DZANK1: variants seen among roughly 807,000 people sequenced by gnomAD.
DZANK1 encodes double zinc ribbon and ankyrin repeat-containing protein 1.
Under a neutral mutation model 94.5 loss-of-function variants are expected in DZANK1, and 91 were observed. The observed-to-expected ratio is 0.96, with a 90% CI of 0.81 to 1.15. The LOEUF is 1.15. Ranked by LOEUF, DZANK1 falls within the 50% of genes most tolerant of loss-of-function variation. The pLI is 0.00. For missense variants in DZANK1, 903 were observed against 916.4 expected, an observed-to-expected ratio of 0.99 and a Z score of 0.19; for synonymous variants, 312 against 325.3, an observed-to-expected ratio of 0.96 and a Z score of 0.44.
At chr20:18,459,290 T>C (rs555511932) in intron 3 of DZANK1, among the ~76,000 whole-genome samples, 3 of 152,196 alleles carry the variant, frequency 2.0e-5, no homozygotes, top group Non-Finnish European at 4.4e-5. Flanking sequence ...AATAATAATG[T>C]GCATAAAGGG....
chr20:18,443,370 G>A, exon 8 of DZANK1: 1 of 1,550,636 alleles, frequency 6.4e-7, no homozygotes, highest in South Asian at 1.2e-5. Flanking sequence ...GGGGGTGGGA[G>A]ACGACAGCCA....
chr20:18,443,619 T>C lies in DZANK1; in HGVS notation c.630-155A>G, dbSNP rs189633711. Among the ~76,000 whole-genome samples the C allele has an allele frequency of 9.9e-4, 151 of 152,328 alleles. 1 individual carries two copies. The highest frequency in any genetic ancestry group is 1.9e-3 in the South Asian group (9 of 4,828). ...ACAAGTTCAAGACAGGAAATACTTA[T>C]CTAGGTCATTTGGTCATTTTATTGG... On this transcript the variant is annotated intron_variant, in intron 7 of 20. Transcript: ENST00000262547.
intron 7 of DZANK1, among the ~76,000 whole-genome samples, chr20:18,444,839 C>G (rs529818396): frequency 1.3e-5 from 2 of 152,088 alleles, no homozygotes; most frequent in African/African-American, 4.8e-5. Flanking sequence ...CTTGCTCTGT[C>G]GCCCAGATTG....
intron 7 of DZANK1, among the ~76,000 whole-genome samples, chr20:18,445,039 C>G (rs762893200): frequency 8.6e-5 from 13 of 151,918 alleles, no homozygotes; most frequent in Non-Finnish European, 1.9e-4. Context: ...GATCTCCTGA[C>G]CTCGTGATCC....
intron 6 of DZANK1, 136 bp downstream of exon 6, chr20:18,452,479 G>T: frequency 9.6e-7 from 1 of 1,040,968 alleles, no homozygotes; most frequent in Non-Finnish European, 1.4e-6. Flanking sequence ...TTCTTGTCCA[G>T]TACAGTATTC....
intron 12 of DZANK1, 55 bp from the exon 13 acceptor site, chr20:18,412,908 G>T: frequency 6.8e-7 from 1 of 1,464,732 alleles, no homozygotes; most frequent in Non-Finnish European, 9.3e-7. Flanking sequence ...AATCAATCTT[G>T]CATTTTACTT....
At chr20:18,394,644 C>G in intron 15 of DZANK1, 1 of 591,972 alleles carries the variant, frequency 1.7e-6, no homozygotes, top group Non-Finnish European at 3.2e-6. Context: ...AGGGGTCTGC[C>G]AGCCTCCCTG....
At chr20:18,386,936 T>C (rs1281718514) in intron 19 of DZANK1, among the ~76,000 whole-genome samples, 2 of 152,216 alleles carry the variant, frequency 1.3e-5, no homozygotes, top group Non-Finnish European at 2.9e-5. Flanking sequence ...CTATGCTGTG[T>C]GCCAGTGTAT....
intron 14 of DZANK1, among the ~76,000 whole-genome samples, chr20:18,397,939 T>C (rs1270427693): frequency 3.3e-5 from 5 of 152,154 alleles, no homozygotes; most frequent in African/African-American, 1.2e-4. Context: ...GGAAGTCTCA[T>C]GGCATCACTT....
Position 18,384,873 on chromosome 20 carries a change from T to C in DZANK1, c.2093+143A>G. The C allele has an allele frequency of 2.5e-6, 2 of 790,678 alleles. 1 individual carries two copies. The highest frequency in any genetic ancestry group is 3.8e-5 in the South Asian group (2 of 53,296). 49.0% of individuals were successfully genotyped at this position (790,678 alleles called of 1,614,324 possible). A position where few individuals can be genotyped will look rare whatever the true frequency, so the allele number is the denominator to read the frequency against. On this transcript the variant is annotated intron_variant, in intron 20 of 20. Coordinates refer to ENST00000262547, the Ensembl canonical transcript of DZANK1. ...TCATTGCGCTTTGAAAAGCCCTCAG[T>C]GCCCCGGAAGCCATGGTGGGATGGT...
intron 17 of DZANK1, among the ~76,000 whole-genome samples, chr20:18,391,250 C>G (rs1418934250): frequency 6.6e-6 from 1 of 150,854 alleles, no homozygotes; most frequent in Non-Finnish European, 1.5e-5. Context: ...TTTTTTTTCT[C>G]TGAGATGGAG....
chr20:18,431,067 T>C (rs541377130), intron 9 of DZANK1, among the ~76,000 whole-genome samples: 3 of 152,244 alleles, frequency 2.0e-5, no homozygotes, highest in South Asian at 4.1e-4. Context: ...GAAGAAATTA[T>C]ACACTTTTTG....
chr20:18,425,465 C>A (rs575567491), intron 10 of DZANK1, among the ~76,000 whole-genome samples: 6 of 151,738 alleles, frequency 4.0e-5, no homozygotes, highest in African/African-American at 1.4e-4. Context: ...GCAGGAGAAT[C>A]GCTTGAACCA....
rs775351482 is a variant in DZANK1 at position 18,450,105 on chromosome 20, TAAATAAAC to T, written c.544-1044_544-1037del. On this transcript the variant is annotated intron_variant, in intron 6 of 20. Coordinates refer to ENST00000262547, the Ensembl canonical transcript of DZANK1. ...ATAAATAAATAAATAAATAAATAAA[TAAATAAAC>T]AAACAAACAAACAAACTTCAGTATC... 4.6e-3 allele frequency among the ~76,000 whole-genome samples: 460 copies of T among 99,952 alleles called. 1 individual carries two copies. The highest frequency in any genetic ancestry group is 6.6e-3 in the Non-Finnish European group (258 of 39,240). The allele number at this position is 99,952 out of a possible 152,430, so 65.6% of individuals were successfully genotyped here. A position where few individuals can be genotyped will look rare whatever the true frequency, so the allele number is the denominator to read the frequency against.
chr20:18,421,114 T>G (rs1008988325), intron 10 of DZANK1: 3 of 155,326 alleles, frequency 1.9e-5, no homozygotes, highest in Non-Finnish European at 4.3e-5. Flanking sequence ...CTTAAGGGGT[T>G]CTACAATATA....
At chr20:18,437,530 G>A (rs2148652970) in intron 8 of DZANK1, among the ~76,000 whole-genome samples, 1 of 152,206 alleles carries the variant, frequency 6.6e-6, no homozygotes, top group East Asian at 1.9e-4. Flanking sequence ...AGTGAGCCGA[G>A]ATTGTGCCAC....
chr20:18,393,588 G>T (rs2056146113), intron 17 of DZANK1, 123 bp downstream of exon 17: 2 of 638,354 alleles, frequency 3.1e-6, no homozygotes, highest in Non-Finnish European at 5.4e-6. Context: ...GATGCCATGA[G>T]AAACCTCATA....
chr20:18,455,286 T>A, exon 4 of DZANK1: 1 of 1,609,000 alleles, frequency 6.2e-7, no homozygotes, highest in Non-Finnish European at 8.5e-7. Context: ...CAACATTGTC[T>A]TCAGGAGAGA....
chr20:18,421,834 T>G (rs1543454), intron 10 of DZANK1, among the ~76,000 whole-genome samples: 125,992 of 152,116 alleles, frequency 0.83, 52,700 homozygotes, highest in South Asian at 0.96. Context: ...AGCACAGCAG[T>G]TTGCCCTACC....
Sources: allele counts gnomAD v4.1 joint callset (sites outside exome capture counted in the v4.1 genomes callset), GRCh38; gene constraint gnomAD v4.1.1; transcripts MANE v1.5; gene names NCBI Gene and HGNC (gene_info 2026-07-23, HGNC 2026-07-21).